The following AFF3 variants were observed in gnomAD, a reference collection of about 807,000 sequenced individuals.
AFF3 encodes the protein AF4/FMR2 family member 3.
A neutral mutation model predicts 129.7 loss-of-function variants in AFF3; 32 were observed. The ratio of observed to expected loss-of-function variants is 0.25; its 90% CI spans 0.19 to 0.33. The LOEUF (loss-of-function observed/expected upper bound fraction) is 0.33, where lower values mean the gene tolerates loss of function less well. Ranked by LOEUF, AFF3 falls within the 10% of genes least tolerant of loss-of-function variation. The probability of loss-of-function intolerance (pLI) is 1.00; values close to 1 mark genes in which losing one functional copy is unlikely to be tolerated. For missense variants in AFF3, 1,373 were observed against 1,592.0 expected (o/e 0.86, Z 2.34); for synonymous variants, 644 against 635.4 (o/e 1.01, Z -0.20).
intron 7 of AFF3, among the ~76,000 whole-genome samples, chr2:100,000,397 T>C (rs1385120214): frequency 1.3e-5 from 2 of 152,038 alleles, no homozygotes; most frequent in African/African-American, 4.8e-5. Flanking sequence ...TAAGGAAGAA[T>C]TACGCTCACT....
At chr2:99,778,889 T>C (rs887478672) in intron 8 of AFF3, among the ~76,000 whole-genome samples, 2 of 37,922 alleles carry the variant, frequency 5.3e-5, no homozygotes, top group Non-Finnish European at 1.0e-4. Context: ...TGTGTGTGTG[T>C]GTGTGCGCGT....
intron 7 of AFF3, among the ~76,000 whole-genome samples, chr2:99,932,808 C>T (rs1391286895): frequency 6.6e-6 from 1 of 152,178 alleles, no homozygotes; most frequent in Non-Finnish European, 1.5e-5. Flanking sequence ...AGAGAGGTGG[C>T]AAGGTAAACA....
At position 99,956,397 on chromosome 2, in the gene AFF3, G is replaced by A. The variant is rs191191076; in HGVS notation, c.873+50235C>T. Among the ~76,000 whole-genome samples, 43 of 152,198 alleles carry A rather than the reference G, an allele frequency of 2.8e-4. 1 individual carries two copies. Among genetic ancestry groups the A allele is most frequent in the Admixed American group, 2.4e-3 (37 of 15,282 alleles). The stretch of plus-strand genomic sequence containing the variant: ...AGCAGAGCTGAAATGGAACTGTGAC[G>A]GACATGTAATGTAAACCCTGATATC... On this transcript the variant is annotated intron_variant, in intron 7 of 24. Transcript: ENST00000672756.
chr2:99,821,845 A>G (rs1449762552), intron 8 of AFF3, among the ~76,000 whole-genome samples: 15 of 152,170 alleles, frequency 9.9e-5, no homozygotes, highest in Admixed American at 9.8e-4. Flanking sequence ...GTGTCACACA[A>G]CAGGCATTTG....
intron 7 of AFF3, among the ~76,000 whole-genome samples, chr2:99,977,521 G>A (rs1008492074): frequency 6.6e-6 from 1 of 152,176 alleles, no homozygotes; most frequent in Non-Finnish European, 1.5e-5. Flanking sequence ...TTAAAAATCA[G>A]TATTTAACTT....
intron 4 of AFF3, among the ~76,000 whole-genome samples, chr2:100,103,254 C>T (rs1429000752): frequency 6.6e-6 from 1 of 151,906 alleles, no homozygotes; most frequent in Non-Finnish European, 1.5e-5. Context: ...TAAAATTGTA[C>T]ATTGCATATT....
chr2:100,038,106 G>A (rs796484857), intron 4 of AFF3, among the ~76,000 whole-genome samples: 11 of 152,056 alleles, frequency 7.2e-5, no homozygotes, highest in African/African-American at 2.7e-4. Context: ...GCCATTAAGG[G>A]AAGAGGAGAG....
intron 7 of AFF3, among the ~76,000 whole-genome samples, chr2:99,940,720 C>G (rs921937340): frequency 6.6e-6 from 1 of 152,190 alleles, no homozygotes; most frequent in Admixed American, 6.5e-5. Flanking sequence ...TATGGAGTAG[C>G]CATTCTTTTA....
intron 8 of AFF3, among the ~76,000 whole-genome samples, chr2:99,785,205 C>T (rs1319076421): frequency 6.6e-6 from 1 of 152,170 alleles, no homozygotes. Flanking sequence ...TCTGGCAAAG[C>T]CACTCCAGGT....
intron 7 of AFF3, among the ~76,000 whole-genome samples, chr2:99,948,383 G>A (rs1042551615): frequency 6.6e-6 from 1 of 152,134 alleles, no homozygotes; most frequent in African/African-American, 2.4e-5. Context: ...ATAGTGCCTC[G>A]GGTTCCATCT....
At chr2:99,842,249 C>A (rs1047466572) in intron 7 of AFF3, among the ~76,000 whole-genome samples, 1 of 152,150 alleles carries the variant, frequency 6.6e-6, no homozygotes, top group Non-Finnish European at 1.5e-5. Context: ...AATCTGGTTT[C>A]AGCTGCAGTT....
At chr2:99,646,703 T>G (rs769320451) in intron 13 of AFF3, among the ~76,000 whole-genome samples, 1 of 152,228 alleles carries the variant, frequency 6.6e-6, no homozygotes, top group African/African-American at 2.4e-5. Context: ...TACAGTGGTC[T>G]GACTTGAGGC....
intron 4 of AFF3, among the ~76,000 whole-genome samples, chr2:100,014,171 T>C (rs969142661): frequency 7.2e-5 from 11 of 151,978 alleles, no homozygotes; most frequent in Admixed American, 7.2e-4. Flanking sequence ...GAGGAGACTT[T>C]TAGGCAAGGG....
rs3073407 is a variant in AFF3 at position 99,628,723 on chromosome 2, A to ATTT, written c.1184+20900_1184+20902dup. Among the ~76,000 whole-genome samples, 111 of 92,396 alleles carry ATTT rather than the reference A, an allele frequency of 1.2e-3. 4 individuals are homozygous for ATTT. Among genetic ancestry groups the ATTT allele is most frequent in the Middle Eastern group, 8.9e-3 (1 of 112 alleles). 60.6% of individuals were successfully genotyped at this position (92,396 alleles called of 152,430 possible). ...AGGCACGTGCCACCATGCTTGACTG[A>ATTT]TTTTTTTTTTTTTTTGAGACAGAGT... is the stretch of plus-strand genomic sequence containing the variant. On this transcript the variant is annotated intron_variant, in intron 13 of 24. Coordinates refer to ENST00000672756, the MANE Select transcript of AFF3 (RefSeq NM_001386135.1).
intron 4 of AFF3, among the ~76,000 whole-genome samples, chr2:100,015,441 G>C (rs1163827217): frequency 6.6e-6 from 1 of 152,140 alleles, no homozygotes. Context: ...AAGGCATAAG[G>C]AGGAGAGAAG....
intron 8 of AFF3, among the ~76,000 whole-genome samples, chr2:99,787,268 A>C (rs1684870691): frequency 6.6e-6 from 1 of 152,094 alleles, no homozygotes; most frequent in South Asian, 2.1e-4. Flanking sequence ...TCGACTCTTT[A>C]AATCAGAGGC....
chr2:99,687,214 C>T (rs1675149616), intron 11 of AFF3, among the ~76,000 whole-genome samples: 1 of 152,236 alleles, frequency 6.6e-6, no homozygotes, highest in Non-Finnish European at 1.5e-5. Flanking sequence ...AAACGTATTC[C>T]TGGCTTCTGA....
At chr2:99,589,869 C>T (rs1019317908) in intron 15 of AFF3, among the ~76,000 whole-genome samples, 1 of 152,182 alleles carries the variant, frequency 6.6e-6, no homozygotes, top group South Asian at 2.1e-4. Context: ...TTATAAAGCC[C>T]TCAAATAGAA....
chr2:99,767,074 G>A (rs1250963642), intron 8 of AFF3, among the ~76,000 whole-genome samples: 1 of 152,190 alleles, frequency 6.6e-6, no homozygotes, highest in African/African-American at 2.4e-5. Flanking sequence ...ACTTAATAGA[G>A]CCAATCAGTT....
Sources: gnomAD v4.1 joint callset for allele counts (sites outside exome capture counted in the v4.1 genomes callset) on GRCh38, gnomAD v4.1.1 for gene constraint, MANE v1.5 for transcripts, NCBI Gene and HGNC (gene_info 2026-07-23, HGNC 2026-07-21) for gene names.